Variants in MSRA observed in about 807,000 individuals in gnomAD.
MSRA encodes mitochondrial peptide methionine sulfoxide reductase.
Under a neutral mutation model 31.3 loss-of-function variants are expected in MSRA, and 54 were observed. That is an observed-to-expected ratio of 1.73 (90% confidence interval 1.39 to 2.17). The LOEUF (loss-of-function observed/expected upper bound fraction) is 2.17, where lower values mean the gene tolerates loss of function less well. Ranked by LOEUF, MSRA falls within the 30% of genes most tolerant of loss-of-function variation. The pLI is 0.00. For synonymous variants in MSRA, 169 were observed against 116.5 expected, an observed-to-expected ratio of 1.45 and a Z score of -2.90; for missense variants, 507 against 300.9, an observed-to-expected ratio of 1.69 and a Z score of -5.07.
chr8:10,428,081 G>C lies in MSRA; in HGVS notation c.544-67G>C, dbSNP rs1043733338. 3.9e-6 allele frequency: 6 copies of C among 1,544,794 alleles called. No individual in the cohort carries two copies. In the East Asian group the frequency reaches 6.9e-5, roughly 18 times the overall value. ...TGCTCACTGCAGCCCTGGCCCCTCA[G>C]TGCCACCCCTCGCAGGTGCTGTCTC... On this transcript the variant is annotated intron_variant, in intron 5 of 5. Transcript: ENST00000317173.
At chr8:10,221,124 G>C (rs73662805) in intron 2 of MSRA, among the ~76,000 whole-genome samples, 11,167 of 152,200 alleles carry the variant, frequency 0.073, 1,335 homozygotes, top group African/African-American at 0.25. Context: ...GCTTTCCCAC[G>C]TGCAGAAAAT....
intron 4 of MSRA, 68 bp from the exon 5 acceptor site, chr8:10,319,815 G>A: frequency 1.2e-6 from 1 of 869,128 alleles, no homozygotes; most frequent in Non-Finnish European, 1.7e-6. Context: ...TCTCAGCATT[G>A]TGCCCAGTTT....
At chr8:10,409,597 A>G (rs1227080205) in intron 5 of MSRA, among the ~76,000 whole-genome samples, 1 of 152,252 alleles carries the variant, frequency 6.6e-6, no homozygotes, top group African/African-American at 2.4e-5. Context: ...CGTGATGAGG[A>G]TAACATCAGA....
intron 1 of MSRA, among the ~76,000 whole-genome samples, chr8:10,204,669 CAT>C (rs1159189143): frequency 6.6e-6 from 1 of 152,174 alleles, no homozygotes; most frequent in Non-Finnish European, 1.5e-5. Flanking sequence ...CCTGACAACA[CAT>C]AGATTTCCCT....
intron 3 of MSRA, among the ~76,000 whole-genome samples, chr8:10,270,802 T>A (rs1798994237): frequency 6.6e-6 from 1 of 152,220 alleles, no homozygotes; most frequent in Non-Finnish European, 1.5e-5. Context: ...TCTTCGGGCT[T>A]TTCTTCAAAA....
chr8:10,336,111 C>G (rs192052376), intron 5 of MSRA, among the ~76,000 whole-genome samples: 1 of 152,154 alleles, frequency 6.6e-6, no homozygotes, highest in Non-Finnish European at 1.5e-5. Flanking sequence ...TTGCCAATAT[C>G]ACATTAAAAG....
chr8:10,145,909 G>C (rs1413752199), intron 1 of MSRA, among the ~76,000 whole-genome samples: 1 of 152,120 alleles, frequency 6.6e-6, no homozygotes, highest in South Asian at 2.1e-4. Context: ...CTATTATTAA[G>C]GGAAAAAAAC....
intron 4 of MSRA, 139 bp downstream of exon 4, chr8:10,301,777 G>A: frequency 2.8e-6 from 2 of 717,920 alleles, no homozygotes; most frequent in Middle Eastern, 3.1e-4. Flanking sequence ...TATTGACGGA[G>A]GAGAGGAGGG....
chr8:10,118,572 C>A (rs1054615914), intron 1 of MSRA, among the ~76,000 whole-genome samples: 1 of 152,134 alleles, frequency 6.6e-6, no homozygotes, highest in East Asian at 1.9e-4. Flanking sequence ...GAACCTGACC[C>A]CAAGCCATCT....
At chr8:10,174,575 G>T (rs1006264464) in intron 1 of MSRA, among the ~76,000 whole-genome samples, 1 of 151,932 alleles carries the variant, frequency 6.6e-6, no homozygotes, top group Non-Finnish European at 1.5e-5. Flanking sequence ...TACGTTCTTC[G>T]CACTCTCTCA....
intron 5 of MSRA, among the ~76,000 whole-genome samples, chr8:10,368,925 A>C (rs1322541050): frequency 6.6e-6 from 1 of 152,186 alleles, no homozygotes; most frequent in Non-Finnish European, 1.5e-5. Flanking sequence ...ACTGATCTCC[A>C]AGAGCTTAGC....
intron 1 of MSRA, among the ~76,000 whole-genome samples, chr8:10,170,042 A>ATTTTT (rs59946635): frequency 7.7e-5 from 7 of 90,354 alleles, no homozygotes; most frequent in South Asian, 3.6e-4. Context: ...CCTGGCTAAT[A>ATTTTT]TTTTTTTTTT....
At chr8:10,372,746 A>T (rs1221286998) in intron 5 of MSRA, among the ~76,000 whole-genome samples, 1 of 152,240 alleles carries the variant, frequency 6.6e-6, no homozygotes, top group Non-Finnish European at 1.5e-5. Context: ...AGGGAATAAT[A>T]ATTTAAATAA....
intron 4 of MSRA, among the ~76,000 whole-genome samples, chr8:10,308,610 C>A (rs1468821133): frequency 6.6e-6 from 1 of 152,234 alleles, no homozygotes; most frequent in East Asian, 1.9e-4. Context: ...GCCAGTGTGG[C>A]CTGGGATTAC....
intron 5 of MSRA, among the ~76,000 whole-genome samples, chr8:10,349,728 C>A (rs180972452): frequency 1.3e-3 from 193 of 152,358 alleles, no homozygotes; most frequent in African/African-American, 4.5e-3. Flanking sequence ...AATGAAATGT[C>A]ACTAACACAA....
At chr8:10,369,529 T>C (rs1805362580) in intron 5 of MSRA, among the ~76,000 whole-genome samples, 1 of 152,246 alleles carries the variant, frequency 6.6e-6, no homozygotes, top group Non-Finnish European at 1.5e-5. Context: ...TTTTGACCTT[T>C]AGTTGTCTTT....
chr8:10,340,536 C>G (rs985702844), intron 5 of MSRA, among the ~76,000 whole-genome samples: 18 of 152,174 alleles, frequency 1.2e-4, no homozygotes, highest in Non-Finnish European at 1.9e-4. Flanking sequence ...CCACGCCCAG[C>G]TAGTTTTTGT....
intron 5 of MSRA, among the ~76,000 whole-genome samples, chr8:10,361,328 C>G (rs926820929): frequency 1.3e-5 from 2 of 152,138 alleles, no homozygotes; most frequent in African/African-American, 4.8e-5. Context: ...CCAAAAGGCT[C>G]TAGGGTCTGT....
intron 2 of MSRA, among the ~76,000 whole-genome samples, chr8:10,217,484 A>C (rs1015340108): frequency 1.3e-5 from 2 of 152,240 alleles, no homozygotes; most frequent in Non-Finnish European, 2.9e-5. Flanking sequence ...ATTTTCTGTC[A>C]ATATCATTTC....
Sources: gnomAD v4.1 joint callset for allele counts (sites outside exome capture counted in the v4.1 genomes callset) on GRCh38, gnomAD v4.1.1 for gene constraint, MANE v1.5 for transcripts, NCBI Gene and HGNC (gene_info 2026-07-23, HGNC 2026-07-21) for gene names.